Variants in EXPH5 observed in about 807,000 individuals in gnomAD.
The protein encoded by EXPH5 is exophilin-5.
In EXPH5, 42 loss-of-function variants were observed where a neutral mutation model predicts 41.1. The ratio of observed to expected loss-of-function variants is 1.02; its 90% CI spans 0.80 to 1.32. EXPH5 has a LOEUF of 1.32. Ranked by LOEUF, EXPH5 falls within the 40% of genes most tolerant of loss-of-function variation. EXPH5 has a pLI of 0.00. For synonymous variants in EXPH5, 798 were observed against 833.5 expected, an observed-to-expected ratio of 0.96 and a Z score of 0.73; for missense variants, 2,298 against 2,314.5, an observed-to-expected ratio of 0.99 and a Z score of 0.15.
chr11:108,590,087 G>T lies in EXPH5; in HGVS notation c.119+3331C>A, dbSNP rs536119989. ...TACTAATGAGAAATATCCAAGAATTGGACAATTGGGTCAAGCGTAAGGCGT... is the reference window on the plus strand; with the variant it reads ...TACTAATGAGAAATATCCAAGAATTTGACAATTGGGTCAAGCGTAAGGCGT... On this transcript the variant is annotated intron_variant, in intron 1 of 5. Coordinates refer to ENST00000265843, the MANE Select transcript of EXPH5 (RefSeq NM_015065.3). Among the ~76,000 whole-genome samples the T allele has an allele frequency of 1.4e-4, 21 of 152,238 alleles. 1 individual carries two copies. The South Asian group carries it at 4.4e-3, about 32-fold the overall frequency.
intron 5 of EXPH5, 129 bp downstream of exon 5, chr11:108,518,106 G>A (rs1323291995): frequency 5.2e-6 from 4 of 764,718 alleles, no homozygotes; most frequent in Non-Finnish European, 8.4e-6. Flanking sequence ...CTTCAAATAA[G>A]CTAAACATGA....
At chr11:108,517,358 G>A (rs934856155) in intron 5 of EXPH5, among the ~76,000 whole-genome samples, 1 of 152,130 alleles carries the variant, frequency 6.6e-6, no homozygotes, top group African/African-American at 2.4e-5. Context: ...TTCTCTGCCA[G>A]GAAGCATCTT....
At chr11:108,544,127 A>G (rs549808857) in intron 1 of EXPH5, among the ~76,000 whole-genome samples, 215 of 152,256 alleles carry the variant, frequency 1.4e-3, no homozygotes, top group African/African-American at 2.9e-3. Context: ...GTTCCATATA[A>G]ACAACATTTT....
At chr11:108,588,689 T>C (rs1227505968) in intron 1 of EXPH5, among the ~76,000 whole-genome samples, 1 of 152,206 alleles carries the variant, frequency 6.6e-6, no homozygotes, top group African/African-American at 2.4e-5. Flanking sequence ...TTATTAGCTT[T>C]TGGAAAAGAA....
At chr11:108,520,959 C>G (rs925390955) in intron 4 of EXPH5, among the ~76,000 whole-genome samples, 2 of 152,162 alleles carry the variant, frequency 1.3e-5, no homozygotes, top group African/African-American at 4.8e-5. Context: ...TCTTCATAAC[C>G]TTGCAAACAT....
chr11:108,537,035 G>A (rs1277272072), intron 3 of EXPH5, among the ~76,000 whole-genome samples: 1 of 152,094 alleles, frequency 6.6e-6, no homozygotes, highest in Non-Finnish European at 1.5e-5. Context: ...GTAAGGAGGA[G>A]GTCCTGAATC....
Position 108,509,499 on chromosome 11 carries a change from T to C in EXPH5, c.*38A>G, listed in dbSNP as rs1324437160. 3 of 1,519,778 alleles carry C rather than the reference T, an allele frequency of 2.0e-6. No individual in the cohort carries two copies. The Admixed American group carries it at 6.8e-5, about 34-fold the overall frequency. The allele number at this position is 1,519,778 out of a possible 1,614,324, so 94.1% of individuals were successfully genotyped here. ...TGTACACCTTAGTTCCATTATAAGC[T>C]TTTGGTGAAAAAAGTAAAGCATTTT... On this transcript the variant is annotated 3_prime_UTR_variant, in exon 6 of 6. Transcript: ENST00000265843.
At chr11:108,585,132 A>T (rs1481906861) in intron 1 of EXPH5, among the ~76,000 whole-genome samples, 1 of 152,368 alleles carries the variant, frequency 6.6e-6, no homozygotes, top group Admixed American at 6.5e-5. Flanking sequence ...TATGGAAGGC[A>T]AGTAAGCACA....
At chr11:108,603,115 C>T in the EXPH5 span, among the ~76,000 whole-genome samples, 1 of 152,278 alleles carries the variant, frequency 6.6e-6, no homozygotes, top group Non-Finnish European at 1.5e-5. Flanking sequence ...TCTTCTGCCA[C>T]GATTGTGAGT....
chr11:108,540,907 A>AT (rs112640072), intron 2 of EXPH5, among the ~76,000 whole-genome samples: 30,258 of 148,434 alleles, frequency 0.2, 3,944 homozygotes, highest in East Asian at 0.68. Flanking sequence ...ATATTCTATT[A>AT]TTTTTTTTTT....
chr11:108,534,953 A>T (rs991523350), intron 3 of EXPH5, among the ~76,000 whole-genome samples: 1 of 152,240 alleles, frequency 6.6e-6, no homozygotes, highest in Non-Finnish European at 1.5e-5. Context: ...CTACCAGAAT[A>T]TAAAATCCTC....
chr11:108,511,278 G>T lies in EXPH5; in HGVS notation c.4229C>A (p.Ser1410Tyr). 6.2e-7 allele frequency: 1 copy of T among 1,605,670 alleles called. No individual in the cohort carries two copies. Among genetic ancestry groups the T allele is most frequent in the African/African-American group, 1.3e-5 (1 of 74,420 alleles). The change falls in exon 6 of 6, where the codon TCT becomes TAT. Residue 1410 changes from serine (S) to tyrosine (Y), a missense_variant. Physicochemically the swap from Ser to Tyr is moderately radical, Grantham distance 144. Coordinates refer to ENST00000265843, the MANE Select transcript of EXPH5 (RefSeq NM_015065.3). ...ATTAATGGATTGTTGACAATTTTCA[G>T]ATTTTTCTTCGGATACATTTTTTCT... is the stretch of plus-strand genomic sequence containing the variant. Reference protein sequence around the residue: ...LQRKNVSEEKSENCQQSINSS... With the variant: ...LQRKNVSEEKYENCQQSINSS...
At position 108,512,346 on chromosome 11, in the gene EXPH5, A is replaced by G; in HGVS notation, c.3161T>C (p.Ile1054Thr). 1 of 1,612,138 alleles carries G rather than the reference A, an allele frequency of 6.2e-7. No homozygotes were observed. Among genetic ancestry groups the G allele is most frequent in the Non-Finnish European group, 8.5e-7 (1 of 1,179,416 alleles). ...SLRNGPPPFQ[I>T]KNNVEDAMGN... ...CATTGCATCTTCCACATTATTTTTGATTTGGAAGGGAGGTGGCCCATTCCT... is the reference window on the plus strand; with the variant it reads ...CATTGCATCTTCCACATTATTTTTGGTTTGGAAGGGAGGTGGCCCATTCCT... The change falls in exon 6 of 6, where the codon ATC (isoleucine) becomes ACC (threonine). Residue 1054 changes from isoleucine to threonine, a missense_variant. Transcript: ENST00000265843.
intron 1 of EXPH5, among the ~76,000 whole-genome samples, chr11:108,555,837 T>C (rs888194852): frequency 2.6e-5 from 4 of 152,200 alleles, no homozygotes; most frequent in Non-Finnish European, 5.9e-5. Context: ...GTAAGTTTCC[T>C]GAGGCCTCCC....
chr11:108,588,300 A>T (rs1389268030), intron 1 of EXPH5, among the ~76,000 whole-genome samples: 1 of 152,232 alleles, frequency 6.6e-6, no homozygotes, highest in Non-Finnish European at 1.5e-5. Flanking sequence ...TTAGCTGAGC[A>T]TTTGACTACA....
chr11:108,544,231 C>G (rs1406874431), intron 1 of EXPH5, among the ~76,000 whole-genome samples: 1 of 152,098 alleles, frequency 6.6e-6, no homozygotes, highest in Non-Finnish European at 1.5e-5. Context: ...ACTCTGTTGC[C>G]CAGACTGGAG....
chr11:108,594,149 C>G (rs951221382), upstream of EXPH5, among the ~76,000 whole-genome samples: 8 of 152,044 alleles, frequency 5.3e-5, no homozygotes, highest in Non-Finnish European at 1.2e-4. Context: ...TCTGAAAGAC[C>G]AGGAAGAACT....
At position 108,510,055 on chromosome 11, in the gene EXPH5, G is replaced by A. The variant is rs756847077; in HGVS notation, c.5452C>T (p.Arg1818Cys). The change falls in exon 6 of 6, where the codon CGC becomes TGC. Residue 1818 changes from arginine (R) to cysteine (C), a missense_variant. By Grantham distance (180) the Arg-to-Cys change is radical. Transcript: ENST00000265843. The stretch of plus-strand genomic sequence containing the variant: ...ATAGAAGTGCTTTCAGAAAAATGGC[G>A]CTCCCTGACTTTTGGAGGATGGCTT... Reference protein sequence around the residue: ...RKSHPPKVRERHFSESTSIDN... With the variant: ...RKSHPPKVRECHFSESTSIDN... The A allele has an allele frequency of 4.3e-6, 7 of 1,611,096 alleles. No homozygotes were observed. The highest frequency in any genetic ancestry group is 1.7e-5 in the Admixed American group (1 of 59,246).
At chr11:108,526,096 T>TC (rs1160690446) in intron 4 of EXPH5, among the ~76,000 whole-genome samples, 1 of 151,922 alleles carries the variant, frequency 6.6e-6, no homozygotes, top group African/African-American at 2.4e-5. Context: ...AAAAAATTTT[T>TC]TTTTTTTGTA....
Sources: allele counts gnomAD v4.1 joint callset (sites outside exome capture counted in the v4.1 genomes callset), GRCh38; gene constraint gnomAD v4.1.1; transcripts MANE v1.5; gene names NCBI Gene and HGNC (gene_info 2026-07-23, HGNC 2026-07-21).